The following PEBP4 variants were observed in gnomAD, a reference collection of about 807,000 sequenced individuals.
PEBP4 encodes the protein phosphatidylethanolamine-binding protein 4.
Under a neutral mutation model 23.9 loss-of-function variants are expected in PEBP4, and 22 were observed. The observed-to-expected ratio is 0.92, with a 90% confidence interval of 0.66 to 1.31. The LOEUF is 1.31. Ranked by LOEUF, PEBP4 falls within the 40% of genes most tolerant of loss-of-function variation. The pLI is 0.00. For synonymous variants in PEBP4, 112 were observed against 99.3 expected (o/e 1.13, Z -0.76); for missense variants, 324 against 281.7 (o/e 1.15, Z -1.07).
At chr8:22,920,332 T>C (rs756975676) in intron 2 of PEBP4, 22 bp from the exon 3 acceptor site, 2 of 1,601,264 alleles carry the variant, frequency 1.2e-6, no homozygotes, top group East Asian at 4.5e-5. Flanking sequence ...GAGGGGAGGT[T>C]GCCCTGTGTC....
At chr8:22,875,466 T>TCCCTCCTCCCACCTTCC (rs1184778568) in intron 3 of PEBP4, among the ~76,000 whole-genome samples, 2 of 152,160 alleles carry the variant, frequency 1.3e-5, no homozygotes, top group Non-Finnish European at 1.5e-5. Context: ...TCTGCTCTTC[T>TCCCTCCTCCCACCTTCC]CCCTCCTCCC....
upstream of PEBP4, among the ~76,000 whole-genome samples, chr8:22,930,137 C>T (rs185138170): frequency 9.2e-5 from 14 of 152,276 alleles, no homozygotes; most frequent in South Asian, 4.1e-4. Flanking sequence ...CAATACCCTG[C>T]GAGATCAGGC....
chr8:22,904,345 C>G (rs1808768143), intron 3 of PEBP4, among the ~76,000 whole-genome samples: 1 of 152,192 alleles, frequency 6.6e-6, no homozygotes, highest in African/African-American at 2.4e-5. Flanking sequence ...ACCCCTAGAC[C>G]TGTGCCCACG....
chr8:22,741,330 C>T (rs926432241), intron 4 of PEBP4, among the ~76,000 whole-genome samples: 8 of 152,334 alleles, frequency 5.3e-5, no homozygotes, highest in Admixed American at 2.0e-4. Flanking sequence ...TCTGAGCCAA[C>T]GGAAGAGTGA....
intron 4 of PEBP4, among the ~76,000 whole-genome samples, chr8:22,807,227 G>T (rs1806514698): frequency 6.6e-6 from 1 of 152,166 alleles, no homozygotes; most frequent in Admixed American, 6.5e-5. Context: ...TTTTGTAAGA[G>T]GGGACAGAGC....
At chr8:22,896,587 C>G (rs548278172) in intron 3 of PEBP4, among the ~76,000 whole-genome samples, 2 of 152,178 alleles carry the variant, frequency 1.3e-5, no homozygotes, top group Admixed American at 6.5e-5. Flanking sequence ...TTACCTATTT[C>G]ATTTCTCATT....
rs977958534 is a variant in PEBP4, at chr8:22,865,972, C to G, written c.259-48237G>C. ...CGGTGCTGCCCGGAGAGCGCGCAGC[C>G]CCCAGCCGGCCGCGCCAGCGCTGCG... is the stretch of plus-strand genomic sequence containing the variant. On this transcript the variant is annotated intron_variant, in intron 3 of 6. Transcript: ENST00000256404. This position sits in a 1 kb window ranked among gnomAD's most constrained non-coding sequence, Gnocchi z 6.9. Among the ~76,000 whole-genome samples, 1 of 151,960 alleles carries G rather than the reference C, an allele frequency of 6.6e-6. No individual in the cohort carries two copies. The highest frequency in any genetic ancestry group is 1.5e-5 in the Non-Finnish European group (1 of 67,942).
rs751903500 is a variant in PEBP4 at position 22,790,914 on chromosome 8, G to A, written c.357+26723C>T. On this transcript the variant is annotated intron_variant, in intron 4 of 6. Coordinates refer to ENST00000256404, the MANE Select transcript of PEBP4 (RefSeq NM_144962.3). ...CCCTTAAATACAGTCTTTAGCAGGCGGCACTGGGCTCTGTGAGTAACTGGG... is the reference window on the plus strand; with the variant it reads ...CCCTTAAATACAGTCTTTAGCAGGCAGCACTGGGCTCTGTGAGTAACTGGG... Among the ~76,000 whole-genome samples the A allele has an allele frequency of 1.1e-4, 16 of 152,106 alleles. No homozygotes were observed. The East Asian group carries it at 1.2e-3, about 11-fold the overall frequency.
chr8:22,911,780 A>C (rs1808943167), intron 3 of PEBP4, among the ~76,000 whole-genome samples: 1 of 152,240 alleles, frequency 6.6e-6, no homozygotes, highest in African/African-American at 2.4e-5. Flanking sequence ...TGCCTTTAAA[A>C]CAAACAAACA....
At chr8:22,898,431 A>AC (rs1563253604) in intron 3 of PEBP4, among the ~76,000 whole-genome samples, 33 of 123,810 alleles carry the variant, frequency 2.7e-4, no homozygotes, top group Non-Finnish European at 3.2e-4. Context: ...AAAAAAAAAA[A>AC]CCCACCCAGT....
chr8:22,738,585 G>A (rs541028002), intron 4 of PEBP4, among the ~76,000 whole-genome samples: 1 of 152,288 alleles, frequency 6.6e-6, no homozygotes, highest in East Asian at 1.9e-4. Flanking sequence ...GGGCCTAGGG[G>A]CAACCTCAGG....
In PEBP4 at chr8:22,869,798, T is replaced by C. The variant is rs184332053; in HGVS notation, c.258+50386A>G. Among the ~76,000 whole-genome samples, 335 of 152,192 alleles carry C rather than the reference T, an allele frequency of 2.2e-3. 1 individual carries two copies. Among genetic ancestry groups the C allele is most frequent in the Non-Finnish European group, 4.1e-3 (277 of 67,996 alleles). Reference sequence around the variant, plus strand: ...AAAATATACAGGTCCCAAAGAAGCATATGAAAAGGTGCTCATGATATGTCA... The same window carrying C: ...AAAATATACAGGTCCCAAAGAAGCACATGAAAAGGTGCTCATGATATGTCA... On this transcript the variant is annotated intron_variant, in intron 3 of 6. Coordinates refer to ENST00000256404, the MANE Select transcript of PEBP4 (RefSeq NM_144962.3).
intron 3 of PEBP4, among the ~76,000 whole-genome samples, chr8:22,828,285 A>G (rs1422314999): frequency 1.3e-5 from 2 of 152,170 alleles, no homozygotes; most frequent in Non-Finnish European, 2.9e-5. Flanking sequence ...CTCAATCCCC[A>G]TCTGTACATG....
chr8:22,863,015 T>C (rs976741087), intron 3 of PEBP4, among the ~76,000 whole-genome samples: 1 of 152,078 alleles, frequency 6.6e-6, no homozygotes, highest in African/African-American at 2.4e-5. Flanking sequence ...TTAGCCAGGA[T>C]GGTCTCGAGC....
chr8:22,754,968 T>TGAG (rs772730320), intron 4 of PEBP4: 1 of 152,324 alleles, frequency 6.6e-6, no homozygotes, highest in East Asian at 1.9e-4. Flanking sequence ...GGTAGGCTAA[T>TGAG]GAGGAGGGAA....
intron 1 of PEBP4, among the ~76,000 whole-genome samples, chr8:22,935,769 C>T (rs1237341560): frequency 6.6e-6 from 1 of 151,774 alleles, no homozygotes; most frequent in African/African-American, 2.4e-5. Context: ...GACTTAGGTC[C>T]CATCTCCAAA....
chr8:22,937,745 G>A (rs3857977), intron 1 of PEBP4, among the ~76,000 whole-genome samples: 68,452 of 151,856 alleles, frequency 0.45, 17,266 homozygotes, highest in African/African-American at 0.69. Flanking sequence ...ATAGGCCAAC[G>A]GAATAGACTA....
intron 3 of PEBP4, among the ~76,000 whole-genome samples, chr8:22,879,627 G>C (rs1808201698): frequency 6.6e-6 from 1 of 152,196 alleles, no homozygotes; most frequent in Non-Finnish European, 1.5e-5. Flanking sequence ...CCGGGCTATT[G>C]TCACCACGTT....
At chr8:22,754,781 C>G (rs1805343040) in intron 4 of PEBP4, 1 of 152,306 alleles carries the variant, frequency 6.6e-6, no homozygotes, top group African/African-American at 2.4e-5. Context: ...CACATCTCTC[C>G]CCTCCCTCAC....
Sources: allele counts gnomAD v4.1 joint callset (sites outside exome capture counted in the v4.1 genomes callset), GRCh38; gene constraint gnomAD v4.1.1; non-coding constraint Gnocchi (gnomAD v3.1); transcripts MANE v1.5; gene names NCBI Gene and HGNC (gene_info 2026-07-23, HGNC 2026-07-21).